The following NOX5 variants were observed in gnomAD, a reference collection of about 807,000 sequenced individuals.
The protein encoded by NOX5 is NADPH oxidase 5, also known as NADPH oxidase, EF-hand calcium binding domain 5.
In NOX5, 76 loss-of-function variants were observed where a neutral mutation model predicts 85.7. The observed-to-expected ratio is 0.89, with a 90% CI of 0.74 to 1.07. The LOEUF (loss-of-function observed/expected upper bound fraction) is 1.07, where lower values mean the gene tolerates loss of function less well. Among genes scored for constraint, NOX5 ranks in the 50% least tolerant of loss-of-function variants. The probability of loss-of-function intolerance (pLI) is 0.00; values close to 1 mark genes in which losing one functional copy is unlikely to be tolerated. For synonymous variants in NOX5, 405 were observed against 401.4 expected (o/e 1.01, Z -0.11); for missense variants, 973 against 999.5 (o/e 0.97, Z 0.36).
At position 69,048,977 on chromosome 15, in the gene NOX5, AAC is replaced by A; in HGVS notation, c.1920_1921del (p.Asn640LysfsTer15). On this transcript the variant is annotated frameshift_variant, in exon 14 of 16. Coordinates refer to ENST00000388866, the MANE Select transcript of NOX5 (RefSeq NM_024505.4). LOFTEE classifies it high-confidence loss of function. ...KLHKVDFIWI[N>X]RDQRSFEWFV... is the part of the protein sequence containing the mutation. ...TCCGTAGGTGGACTTTATCTGGATC[AAC>A]AGAGACCAGCGGTCTTTCGAGTGGT... 1 of 1,612,504 alleles carries A rather than the reference AAC, an allele frequency of 6.2e-7. No individual in the cohort carries two copies. Among genetic ancestry groups the A allele is most frequent in the Non-Finnish European group, 8.5e-7 (1 of 1,179,436 alleles).
rs756965311 is a variant in NOX5, at chr15:69,042,683, C to G, written c.1525C>G (p.Arg509Gly). ...CTCAGACACTATCTGGCTGCACATT[C>G]GGTCCCAAGGCCAGTGGACAAACAG... ...EQKDTIWLHI[R>G]SQGQWTNRLY... The change falls in exon 10 of 16, where the codon CGG (arginine) becomes GGG (glycine). Residue 509 changes from arginine (R) to glycine (G), a missense_variant. Transcript: ENST00000388866. 2 of 1,613,672 alleles carry G rather than the reference C, an allele frequency of 1.2e-6. No homozygotes were observed. Among genetic ancestry groups the G allele is most frequent in the African/African-American group, 1.3e-5 (1 of 75,040 alleles).
Position 69,058,813 on chromosome 15 carries a change from G to A in NOX5, c.*2117G>A, listed in dbSNP as rs1015417091. The A allele has an allele frequency of 6.6e-6, 1 of 152,202 alleles. No homozygotes were observed. Among genetic ancestry groups the A allele is most frequent in the Non-Finnish European group, 1.5e-5 (1 of 68,092 alleles). The allele number at this position is 152,202 out of a possible 1,614,324, so 9.4% of individuals were successfully genotyped here. A position where few individuals can be genotyped will look rare whatever the true frequency, so the allele number is the denominator to read the frequency against. On this transcript the variant is annotated 3_prime_UTR_variant, in exon 16 of 16. Coordinates refer to ENST00000388866, the MANE Select transcript of NOX5 (RefSeq NM_024505.4). ...TACTTTCCCCTCTTCATCAGGCTTG[G>A]GAAGGCTTGGACAAAACGCTCTCTG...
At chr15:69,049,301 C>T (rs2140278617) in intron 14 of NOX5, among the ~76,000 whole-genome samples, 1 of 151,708 alleles carries the variant, frequency 6.6e-6, no homozygotes, top group East Asian at 1.9e-4. Flanking sequence ...AAGCAATCCT[C>T]CACCTTGGCC....
At chr15:69,044,532 CTAAA>C (rs979599662) in intron 10 of NOX5, among the ~76,000 whole-genome samples, 77 of 152,164 alleles carry the variant, frequency 5.1e-4, no homozygotes, top group African/African-American at 1.8e-3. Context: ...AGGAAAATAC[CTAAA>C]TAAATTGCTG....
At chr15:69,037,287 C>A in intron 8 of NOX5, 77 bp downstream of exon 8, 1 of 1,327,494 alleles carries the variant, frequency 7.5e-7, no homozygotes, top group Non-Finnish European at 1.0e-6. Flanking sequence ...CAGCTGGATA[C>A]CCTGTCAGAC....
At position 69,046,988 on chromosome 15, in the gene NOX5, G is replaced by A. The variant is rs567515377; in HGVS notation, c.1692+122G>A. 29 of 994,514 alleles carry A rather than the reference G, an allele frequency of 2.9e-5. No individual in the cohort carries two copies. In the African/African-American group the frequency reaches 3.5e-4, roughly 12 times the overall value. 61.6% of individuals were successfully genotyped at this position (994,514 alleles called of 1,614,324 possible). On this transcript the variant is annotated intron_variant, in intron 11 of 15. Coordinates refer to ENST00000388866, the MANE Select transcript of NOX5 (RefSeq NM_024505.4). The stretch of plus-strand genomic sequence containing the variant: ...TACTCAAGCTCCTCAAATCCTCATG[G>A]GCTGACATCCAGGTATCCGGGTCAT...
intron 14 of NOX5, among the ~76,000 whole-genome samples, chr15:69,050,886 A>G (rs1046855955): frequency 6.6e-6 from 1 of 152,194 alleles, no homozygotes; most frequent in African/African-American, 2.4e-5. Flanking sequence ...TATACGGCAA[A>G]GCCTCTTCGC....
At chr15:69,020,966 C>T (rs937794873) in intron 1 of NOX5, among the ~76,000 whole-genome samples, 7 of 151,932 alleles carry the variant, frequency 4.6e-5, no homozygotes, top group South Asian at 2.1e-4. Context: ...TCAAAAATTA[C>T]GTTGATAGGC....
intron 10 of NOX5, chr15:69,046,255 T>G (rs905623000): frequency 6.6e-6 from 1 of 152,532 alleles, no homozygotes; most frequent in African/African-American, 2.4e-5. Flanking sequence ...AGCAAAGCCC[T>G]AGGGCCTGGG....
chr15:69,027,044 C>A (rs2050366829), intron 2 of NOX5, among the ~76,000 whole-genome samples: 1 of 152,130 alleles, frequency 6.6e-6, no homozygotes, highest in South Asian at 2.1e-4. Context: ...CCCTGCCCAC[C>A]CCACACAGCC....
At chr15:69,055,531 G>C (rs771075625) in intron 15 of NOX5, 31 bp downstream of exon 15, 1 of 1,607,686 alleles carries the variant, frequency 6.2e-7, no homozygotes, top group Non-Finnish European at 8.5e-7. Flanking sequence ...GCAGCTTGCA[G>C]GTATGGATGA....
Position 69,055,457 on chromosome 15 carries a change from G to A in NOX5, c.2123G>A (p.Gly708Glu). 1 of 1,614,116 alleles carries A rather than the reference G, an allele frequency of 6.2e-7. No individual in the cohort carries two copies. Among genetic ancestry groups the A allele is most frequent in the Non-Finnish European group, 8.5e-7 (1 of 1,180,024 alleles). The change falls in exon 15 of 16, where the codon GGG becomes GAG. Residue 708 changes from glycine to glutamate, a missense_variant. Transcript: ENST00000388866. Reference protein sequence around the residue: ...ANKEKKDSITGLQTRTQPGRP... With the variant: ...ANKEKKDSITELQTRTQPGRP... Reference sequence around the variant, plus strand: ...AAGGAGAAGAAAGACTCCATCACGGGGCTGCAGACGCGCACCCAGCCTGGG... The same window carrying A: ...AAGGAGAAGAAAGACTCCATCACGGAGCTGCAGACGCGCACCCAGCCTGGG...
chr15:69,051,395 CT>C (rs781056249), intron 14 of NOX5, among the ~76,000 whole-genome samples: 2,058 of 147,974 alleles, frequency 0.014, 24 homozygotes, highest in Non-Finnish European at 0.023. Flanking sequence ...GTAAATTTTT[CT>C]TTTTTTTTTT....
intron 1 of NOX5, 97 bp from the exon 2 acceptor site, chr15:69,026,431 C>A (rs1360070520): frequency 2.6e-6 from 4 of 1,511,602 alleles, no homozygotes; most frequent in South Asian, 2.4e-5. Context: ...AGGCTCAGGG[C>A]CCTAGTTAGA....
chr15:69,029,707 T>TCTCA (rs1398472360), intron 3 of NOX5: 1 of 149,418 alleles, frequency 6.7e-6, no homozygotes, highest in Non-Finnish European at 1.5e-5. Context: ...TGAGATGGAG[T>TCTCA]CTCACTCTGT....
intron 5 of NOX5, 66 bp from the exon 6 acceptor site, chr15:69,035,288 G>A: frequency 6.5e-7 from 1 of 1,548,598 alleles, no homozygotes; most frequent in Non-Finnish European, 8.8e-7. Flanking sequence ...GCAGGGAGGT[G>A]GCTGGGAAAA....
chr15:69,060,595 G>C lies in NOX5; in HGVS notation c.*3899G>C, dbSNP rs577635067. On this transcript the variant is annotated 3_prime_UTR_variant, in exon 16 of 16. Transcript: ENST00000388866. ...GGGATACAATGAAGGAAAGGATTTT[G>C]TGTTTTTGTTTTTGTTTTACTTTTT... 4 of 152,088 alleles carry C rather than the reference G, an allele frequency of 2.6e-5. No homozygotes were observed. The highest frequency in any genetic ancestry group is 9.7e-5 in the African/African-American group (4 of 41,408). The allele number at this position is 152,088 out of a possible 1,614,324, so 9.4% of individuals were successfully genotyped here. A position where few individuals can be genotyped will look rare whatever the true frequency, so the allele number is the denominator to read the frequency against.
At chr15:69,037,282 G>A (rs1235297776) in intron 8 of NOX5, 72 bp downstream of exon 8, 2 of 1,440,432 alleles carry the variant, frequency 1.4e-6, no homozygotes, top group East Asian at 4.8e-5. Flanking sequence ...TGGAGCAGCT[G>A]GATACCCTGT....
chr15:69,053,631 C>T (rs1435138144), intron 14 of NOX5, among the ~76,000 whole-genome samples: 2 of 152,014 alleles, frequency 1.3e-5, no homozygotes, highest in East Asian at 3.8e-4. Context: ...TAGTTTTTTT[C>T]CTTGCTTTGG....
Sources: gnomAD v4.1 joint callset for allele counts (sites outside exome capture counted in the v4.1 genomes callset) on GRCh38, gnomAD v4.1.1 for gene constraint, MANE v1.5 for transcripts, NCBI Gene and HGNC (gene_info 2026-07-23, HGNC 2026-07-21) for gene names.